Variants in SNX9 observed in about 807,000 individuals in gnomAD.
SNX9 encodes sorting nexin-9.
SNX9 carries 44 observed loss-of-function variants against 89.4 expected under a neutral mutation model. The ratio of observed to expected loss-of-function variants is 0.49; its 90% CI spans 0.39 to 0.63. The LOEUF is 0.63. Ranked by LOEUF, SNX9 falls within the 30% of genes least tolerant of loss-of-function variation. The pLI is 0.00. For synonymous variants in SNX9, 236 were observed against 247.8 expected (o/e 0.95, Z 0.45); for missense variants, 578 against 736.1 (o/e 0.79, Z 2.49).
At chr6:157,916,970 A>G (rs1362592651) in intron 9 of SNX9, among the ~76,000 whole-genome samples, 1 of 148,644 alleles carries the variant, frequency 6.7e-6, no homozygotes, top group Non-Finnish European at 1.5e-5. Flanking sequence ...GGAAGAGATT[A>G]TATAGAATTG....
rs34836632 is a variant in SNX9, at chr6:157,844,600, G to GTT, written c.12+21164_12+21165dup. ...TGGCTAATCCTTGTTTTTTTTTTTTGTTTTTTTTTTTGAGACAGAGTCTCA... is the reference window on the plus strand; with the variant it reads ...TGGCTAATCCTTGTTTTTTTTTTTTGTTTTTTTTTTTTTGAGACAGAGTCTCA... On this transcript the variant is annotated intron_variant, in intron 1 of 17. Transcript: ENST00000392185. Among the ~76,000 whole-genome samples, 1,029 of 131,804 alleles carry GTT rather than the reference G, an allele frequency of 7.8e-3. 38 individuals carry two copies. The highest frequency in any genetic ancestry group is 0.026 in the African/African-American group (928 of 35,278). 86.5% of individuals were successfully genotyped at this position (131,804 alleles called of 152,430 possible).
At chr6:157,911,335 C>T (rs1485970806) in intron 9 of SNX9, among the ~76,000 whole-genome samples, 1 of 152,042 alleles carries the variant, frequency 6.6e-6, no homozygotes, top group Non-Finnish European at 1.5e-5. Flanking sequence ...GGAGAAGAAA[C>T]ATGGAGGGCT....
At chr6:157,910,344 A>G (rs1021538037) in intron 9 of SNX9, among the ~76,000 whole-genome samples, 2 of 152,248 alleles carry the variant, frequency 1.3e-5, no homozygotes, top group African/African-American at 4.8e-5. Context: ...GTGAAAAATG[A>G]CACCTGAAAA....
In SNX9 at chr6:157,930,561, G is replaced by A. The variant is rs113491032; in HGVS notation, c.1289-1634G>A. Among the ~76,000 whole-genome samples the A allele has an allele frequency of 3.0e-3, 454 of 152,192 alleles. 3 individuals are homozygous for A. The highest frequency in any genetic ancestry group is 9.5e-3 in the African/African-American group (395 of 41,524). On this transcript the variant is annotated intron_variant, in intron 12 of 17. Transcript: ENST00000392185. ...GGTGCTCCCCATCACTCACATTACC[G>A]CCTGAGCTCCGCCTCCTGTCAGATC...
chr6:157,891,027 CTTTTTTTTTTT>C (rs67186551), intron 4 of SNX9, among the ~76,000 whole-genome samples: 2 of 114,940 alleles, frequency 1.7e-5, no homozygotes, highest in African/African-American at 6.9e-5. Context: ...TTTTCTTTCT[CTTTTTTTTTTT>C]TTTTTTTTTT....
intron 7 of SNX9, among the ~76,000 whole-genome samples, chr6:157,909,057 C>G (rs931802649): frequency 6.6e-6 from 1 of 152,112 alleles, no homozygotes; most frequent in Admixed American, 6.5e-5. Flanking sequence ...TCCCCCTCCC[C>G]CCACCTTGCC....
chr6:157,832,140 T>C (rs1242588840), intron 1 of SNX9, among the ~76,000 whole-genome samples: 1 of 152,236 alleles, frequency 6.6e-6, no homozygotes, highest in East Asian at 1.9e-4. Flanking sequence ...ACTGAATTTT[T>C]CTAAGTTATT....
chr6:157,857,486 A>G (rs530253856), intron 1 of SNX9, among the ~76,000 whole-genome samples: 2 of 152,188 alleles, frequency 1.3e-5, no homozygotes, highest in Admixed American at 6.5e-5. Flanking sequence ...TTGACCCATT[A>G]TATGATTTAT....
chr6:157,906,945 A>G (rs1583229704), intron 7 of SNX9, among the ~76,000 whole-genome samples: 1 of 152,338 alleles, frequency 6.6e-6, no homozygotes, highest in East Asian at 1.9e-4. Flanking sequence ...GACTCAATCG[A>G]GGATGAGGAA....
chr6:157,885,690 A>C (rs957399776), intron 4 of SNX9, among the ~76,000 whole-genome samples: 8 of 152,254 alleles, frequency 5.3e-5, no homozygotes, highest in Admixed American at 4.6e-4. Context: ...CACAGTGAGG[A>C]GTTCCTTATG....
intron 4 of SNX9, among the ~76,000 whole-genome samples, chr6:157,881,992 A>G (rs144387514): frequency 6.6e-6 from 1 of 152,358 alleles, no homozygotes; most frequent in East Asian, 1.9e-4. Context: ...CAGATGAAAC[A>G]GCCTTCTATT....
At chr6:157,912,336 A>G (rs1783365257) in intron 9 of SNX9, among the ~76,000 whole-genome samples, 1 of 152,168 alleles carries the variant, frequency 6.6e-6, no homozygotes, top group East Asian at 1.9e-4. Flanking sequence ...AGATTTTAAT[A>G]CATTGTTTAT....
Position 157,937,466 on chromosome 6 carries a change from T to C in SNX9, c.1476T>C (p.Cys492=). The C allele has an allele frequency of 6.2e-7, 1 of 1,613,906 alleles. No homozygotes were observed. Among genetic ancestry groups the C allele is most frequent in the East Asian group, 2.2e-5 (1 of 44,862 alleles). Residue 492 remains cysteine, a synonymous_variant, in exon 15 of 18, where the codon TGT becomes TGC. Coordinates refer to ENST00000392185, the MANE Select transcript of SNX9 (RefSeq NM_016224.5). ...PKKDLHFLME[C]NHEYKGFLGC... ...AAGATCTCCATTTCCTGATGGAATG[T>C]AATCACGAGTATAAAGGTTTTCTTG... is the stretch of plus-strand genomic sequence containing the variant.
intron 4 of SNX9, 111 bp from the exon 5 acceptor site, chr6:157,896,716 T>G: frequency 8.4e-7 from 1 of 1,189,298 alleles, no homozygotes; most frequent in Non-Finnish European, 1.2e-6. Context: ...TACATTTCTA[T>G]TAATTGTTTT....
chr6:157,851,162 G>A lies in SNX9; in HGVS notation c.13-16385G>A, dbSNP rs143134060. Reference sequence around the variant, plus strand: ...AATCCCAGCTGCTCAGAAGGCTGAGGCAGGAGAATTGCCTGAACCTGGGAG... The same window carrying A: ...AATCCCAGCTGCTCAGAAGGCTGAGACAGGAGAATTGCCTGAACCTGGGAG... On this transcript the variant is annotated intron_variant, in intron 1 of 17. Transcript: ENST00000392185. 2.4e-3 allele frequency among the ~76,000 whole-genome samples: 358 copies of A among 151,886 alleles called. 1 individual carries two copies. Among genetic ancestry groups the A allele is most frequent in the African/African-American group, 8.2e-3 (338 of 41,430 alleles).
chr6:157,887,841 G>A (rs1174136993), intron 4 of SNX9, among the ~76,000 whole-genome samples: 6 of 152,058 alleles, frequency 3.9e-5, no homozygotes, highest in Non-Finnish European at 7.4e-5. Context: ...GGATGCTGTC[G>A]TCCACTATAT....
Position 157,913,815 on chromosome 6 carries a change from G to T in SNX9, c.949+3790G>T, listed in dbSNP as rs182616718. ...AACACATTTGCAATTCAATCATTTT[G>T]TTGTGTCAATAGTTTGTTCTTTTCG... On this transcript the variant is annotated intron_variant, in intron 9 of 17. Transcript: ENST00000392185. Among the ~76,000 whole-genome samples the T allele has an allele frequency of 8.3e-4, 127 of 152,290 alleles. 1 individual carries two copies. The highest frequency in any genetic ancestry group is 1.3e-3 in the Non-Finnish European group (86 of 68,024).
chr6:157,843,750 A>G (rs1169914255), intron 1 of SNX9, among the ~76,000 whole-genome samples: 2 of 152,182 alleles, frequency 1.3e-5, no homozygotes, highest in Admixed American at 6.5e-5. Flanking sequence ...TGCATAATCC[A>G]TACTCAATTC....
In SNX9 at chr6:157,896,904, G is replaced by T; in HGVS notation, c.378G>T (p.Gly126=). 3.1e-6 allele frequency: 5 copies of T among 1,613,438 alleles called. No homozygotes were observed. The highest frequency in any genetic ancestry group is 4.2e-6 in the Non-Finnish European group (5 of 1,179,792). Residue 126 remains glycine (G), a synonymous_variant, in exon 5 of 18, where the codon GGG becomes GGT. Transcript: ENST00000392185. ...SGNWESSEGW[G]AQPEGAGAQR... ...ACTGGGAAAGCTCAGAAGGCTGGGG[G>T]GCCCAGCCAGAGGGGGCTGGAGCCC...
Sources: allele counts gnomAD v4.1 joint callset (sites outside exome capture counted in the v4.1 genomes callset), GRCh38; gene constraint gnomAD v4.1.1; transcripts MANE v1.5; gene names NCBI Gene and HGNC (gene_info 2026-07-23, HGNC 2026-07-21).